AGMO: variants seen among roughly 807,000 people sequenced by gnomAD.
AGMO encodes glyceryl-ether monooxygenase.
In AGMO, 75 loss-of-function variants were observed where a neutral mutation model predicts 60.2. The observed-to-expected ratio is 1.25, with a 90% CI of 1.03 to 1.51. The LOEUF (loss-of-function observed/expected upper bound fraction) is 1.51. AGMO is among the 40% of genes most tolerant of loss of function. AGMO has a pLI of 0.00. For synonymous variants in AGMO, 261 were observed against 177.1 expected (o/e 1.47, Z -3.76); for missense variants, 763 against 525.5 (o/e 1.45, Z -4.42).
intron 10 of AGMO, among the ~76,000 whole-genome samples, chr7:15,380,823 C>A (rs749239037): frequency 6.6e-6 from 1 of 152,080 alleles, no homozygotes; most frequent in East Asian, 1.9e-4. Context: ...GGTACTGGCA[C>A]AAAAACAGTC....
chr7:15,291,989 G>A (rs1784277040), intron 12 of AGMO, among the ~76,000 whole-genome samples: 1 of 152,094 alleles, frequency 6.6e-6, no homozygotes. Context: ...AAGTATAGAA[G>A]ACTCAAGTAA....
chr7:15,419,071 T>C (rs1377220057), intron 4 of AGMO, among the ~76,000 whole-genome samples: 1 of 151,866 alleles, frequency 6.6e-6, no homozygotes, highest in African/African-American at 2.4e-5. Flanking sequence ...TCAATAATAA[T>C]GTGAAATTAT....
chr7:15,519,277 C>T (rs1010690998), intron 3 of AGMO, among the ~76,000 whole-genome samples: 2 of 151,504 alleles, frequency 1.3e-5, no homozygotes, highest in Non-Finnish European at 2.9e-5. Context: ...CCAAGACAGG[C>T]CAACATTCAA....
Position 15,315,607 on chromosome 7 carries a change from C to G in AGMO, c.1263+49907G>C, listed in dbSNP as rs938318507. 2.0e-5 allele frequency among the ~76,000 whole-genome samples: 3 copies of G among 152,000 alleles called. No individual in the cohort carries two copies. The South Asian group carries it at 6.2e-4, about 31-fold the overall frequency. On this transcript the variant is annotated intron_variant, in intron 12 of 12. Transcript: ENST00000342526. ...CACCTAGGCCTCCCACAGGCATGAG[C>G]CACTGTGCCCAGCCATTTGCTGTAT...
At chr7:15,168,106 G>C in the AGMO span, among the ~76,000 whole-genome samples, 56,317 of 152,110 alleles carry the variant, frequency 0.37, 11,862 homozygotes, top group East Asian at 0.72. Flanking sequence ...TGATTGCACA[G>C]GGTGTGGCCA....
intron 12 of AGMO, among the ~76,000 whole-genome samples, chr7:15,287,776 G>A (rs1418136303): frequency 3.0e-5 from 4 of 132,226 alleles, no homozygotes; most frequent in Non-Finnish European, 7.1e-5. Flanking sequence ...GCATTTTAAC[G>A]TAGCTAAATT....
At chr7:15,277,291 C>A (rs1056634860) in intron 12 of AGMO, among the ~76,000 whole-genome samples, 1 of 150,798 alleles carries the variant, frequency 6.6e-6, no homozygotes, top group Non-Finnish European at 1.5e-5. Flanking sequence ...GGTTACAGAG[C>A]AAGACTCTGT....
At chr7:15,313,766 T>C (rs1780834367) in intron 12 of AGMO, among the ~76,000 whole-genome samples, 2 of 152,134 alleles carry the variant, frequency 1.3e-5, no homozygotes, top group Non-Finnish European at 2.9e-5. Flanking sequence ...TACATGCCTA[T>C]GATAAAGTTT....
intron 2 of AGMO, among the ~76,000 whole-genome samples, chr7:15,555,794 A>ATT (rs1250163907): frequency 1.3e-5 from 2 of 152,006 alleles, no homozygotes; most frequent in Non-Finnish European, 2.9e-5. Flanking sequence ...GCAGTTTCTG[A>ATT]AGTTACGCAA....
chr7:15,301,943 G>C (rs1010837893), intron 12 of AGMO, among the ~76,000 whole-genome samples: 18 of 152,216 alleles, frequency 1.2e-4, no homozygotes, highest in African/African-American at 4.1e-4. Flanking sequence ...TTCTGGTGCT[G>C]AAAGAAGGGA....
chr7:15,260,210 AG>A (rs1483787973), intron 12 of AGMO, among the ~76,000 whole-genome samples: 21 of 144,780 alleles, frequency 1.5e-4, no homozygotes, highest in African/African-American at 5.3e-4. Flanking sequence ...TGACAGAGCG[AG>A]GAAAAAAAAA....
intron 10 of AGMO, among the ~76,000 whole-genome samples, chr7:15,377,317 C>G (rs1026355979): frequency 2.0e-5 from 3 of 152,096 alleles, no homozygotes; most frequent in Non-Finnish European, 4.4e-5. Context: ...ACTCTACTTT[C>G]AGTTTGTAAA....
chr7:15,190,592 A>G, the AGMO span, among the ~76,000 whole-genome samples: 2 of 152,070 alleles, frequency 1.3e-5, no homozygotes, highest in Non-Finnish European at 2.9e-5. Flanking sequence ...ATTCTTTTCC[A>G]TTTTTTGCAT....
At chr7:15,249,197 T>C (rs1020652925) in intron 12 of AGMO, among the ~76,000 whole-genome samples, 7 of 152,200 alleles carry the variant, frequency 4.6e-5, no homozygotes, top group African/African-American at 1.7e-4. Context: ...GAATAATGGC[T>C]GCTGAATTTA....
intron 10 of AGMO, among the ~76,000 whole-genome samples, chr7:15,372,686 G>T (rs916020606): frequency 2.0e-5 from 3 of 152,056 alleles, no homozygotes; most frequent in Non-Finnish European, 2.9e-5. Context: ...TTAGTCTCCT[G>T]TGTTTTAAAC....
chr7:15,161,103 C>T, the AGMO span, among the ~76,000 whole-genome samples: 3 of 152,170 alleles, frequency 2.0e-5, no homozygotes, highest in African/African-American at 4.8e-5. Context: ...GGGCAGAGCC[C>T]TCATAGCCTA....
At chr7:15,333,107 G>A (rs916753867) in intron 12 of AGMO, among the ~76,000 whole-genome samples, 1 of 152,112 alleles carries the variant, frequency 6.6e-6, no homozygotes, top group Non-Finnish European at 1.5e-5. Context: ...CTAATGTGAT[G>A]ATACAGCTGA....
chr7:15,227,805 C>T (rs55980749), intron 12 of AGMO, among the ~76,000 whole-genome samples: 1 of 151,966 alleles, frequency 6.6e-6, no homozygotes, highest in African/African-American at 2.4e-5. Context: ...CCCTCTAAAC[C>T]TTTTCTAATA....
chr7:15,137,772 C>T, the AGMO span, among the ~76,000 whole-genome samples: 2 of 152,010 alleles, frequency 1.3e-5, no homozygotes, highest in African/African-American at 4.8e-5. Flanking sequence ...AAGGGAATGT[C>T]AGTGAATGTT....
Sources: allele counts gnomAD v4.1 joint callset (sites outside exome capture counted in the v4.1 genomes callset), GRCh38; gene constraint gnomAD v4.1.1; transcripts MANE v1.5; gene names NCBI Gene and HGNC (gene_info 2026-07-23, HGNC 2026-07-21).